Variants in USP7 observed in about 807,000 individuals in gnomAD.
The protein encoded by USP7 is ubiquitin specific peptidase 7.
Under a neutral mutation model 162.9 loss-of-function variants are expected in USP7, and 9 were observed. That is an observed-to-expected ratio of 0.06 (90% CI 0.03 to 0.10). The LOEUF (loss-of-function observed/expected upper bound fraction) is 0.10. Among genes scored for constraint, USP7 ranks in the 10% least tolerant of loss-of-function variants. USP7 has a pLI of 1.00. For missense variants in USP7, 715 were observed against 1,373.7 expected (o/e 0.52, Z 7.58); for synonymous variants, 562 against 475.9 (o/e 1.18, Z -2.35).
intron 8 of USP7, 103 bp from the exon 9 acceptor site, chr16:8,915,628 G>C: frequency 9.5e-7 from 1 of 1,057,752 alleles, no homozygotes; most frequent in East Asian, 2.7e-5. Flanking sequence ...AGAAGTTGTA[G>C]ACTATAAAAA....
At chr16:8,910,863 G>C in intron 10 of USP7, 36 bp from the exon 11 acceptor site, 1 of 1,556,328 alleles carries the variant, frequency 6.4e-7, no homozygotes, top group Admixed American at 1.7e-5. Flanking sequence ...AAGTGCTAAA[G>C]CTTCATTTAT....
At chr16:8,935,063 G>A (rs771857838) in intron 1 of USP7, among the ~76,000 whole-genome samples, 1 of 152,192 alleles carries the variant, frequency 6.6e-6, no homozygotes, top group Admixed American at 6.5e-5. Context: ...TATTGTTCAA[G>A]ACAGATGTAC....
chr16:8,911,081 G>A (rs1223180441), intron 10 of USP7, among the ~76,000 whole-genome samples: 1 of 152,226 alleles, frequency 6.6e-6, no homozygotes, highest in East Asian at 1.9e-4. Context: ...AGGTTTTACT[G>A]TTATTCGAAC....
chr16:8,916,205 C>G (rs909415344), intron 8 of USP7, among the ~76,000 whole-genome samples: 1 of 152,156 alleles, frequency 6.6e-6, no homozygotes, highest in Non-Finnish European at 1.5e-5. Context: ...GCCAACAAAG[C>G]CAGTCTTTGG....
intron 12 of USP7, among the ~76,000 whole-genome samples, chr16:8,906,956 C>T (rs1169490257): frequency 1.3e-5 from 2 of 152,242 alleles, no homozygotes; most frequent in African/African-American, 4.8e-5. Context: ...CTACAGACAT[C>T]CTGAAATTGA....
At chr16:8,911,880 G>C (rs112380399) in intron 10 of USP7, among the ~76,000 whole-genome samples, 231 of 152,342 alleles carry the variant, frequency 1.5e-3, no homozygotes, top group African/African-American at 5.2e-3. Context: ...ACAACCTTCA[G>C]AGCTCACGAC....
intron 2 of USP7, among the ~76,000 whole-genome samples, chr16:8,925,138 C>T (rs181181444): frequency 7.8e-4 from 119 of 152,274 alleles, no homozygotes; most frequent in African/African-American, 2.6e-3. Context: ...TGTCAATTCC[C>T]ACATTTTAGG....
chr16:8,897,552 G>T (rs773446120), intron 25 of USP7, among the ~76,000 whole-genome samples: 6 of 151,318 alleles, frequency 4.0e-5, no homozygotes, highest in Admixed American at 6.6e-5. Context: ...AAGGGTGAGA[G>T]ATCTAGCATC....
intron 5 of USP7, among the ~76,000 whole-genome samples, chr16:8,919,522 C>A (rs1424446603): frequency 1.3e-5 from 2 of 152,108 alleles, no homozygotes; most frequent in Non-Finnish European, 2.9e-5. Flanking sequence ...TGAAACTCAT[C>A]TTTTCTGTAG....
intron 14 of USP7, among the ~76,000 whole-genome samples, chr16:8,904,946 T>C (rs2061836875): frequency 1.3e-5 from 2 of 152,286 alleles, no homozygotes; most frequent in Non-Finnish European, 2.9e-5. Flanking sequence ...CACTCCAGCC[T>C]GGGCAAGAGC....
chr16:8,902,241 A>G, intron 17 of USP7, 54 bp from the exon 18 acceptor site: 1 of 1,593,962 alleles, frequency 6.3e-7, no homozygotes, highest in Non-Finnish European at 8.6e-7. Context: ...TAGGTGACAG[A>G]GCGAAAAACT....
At position 8,912,483 on chromosome 16, in the gene USP7, C is replaced by T. The variant is rs554281394; in HGVS notation, c.1079-1656G>A. 2.0e-5 allele frequency among the ~76,000 whole-genome samples: 3 copies of T among 149,198 alleles called. No homozygotes were observed. The South Asian group carries it at 6.3e-4, about 32-fold the overall frequency. ...AAAAAGAAAGAAAAAAGAAAATAAA[C>T]ATTACCAAGCATGCAAAGAAGCTGA... On this transcript the variant is annotated intron_variant, in intron 10 of 30. Transcript: ENST00000344836.
At chr16:8,947,264 ATTT>A (rs966503632) in intron 1 of USP7, among the ~76,000 whole-genome samples, 2 of 152,168 alleles carry the variant, frequency 1.3e-5, no homozygotes, top group Admixed American at 1.3e-4. Context: ...GAAAATAATT[ATTT>A]TTTATACAAC....
intron 2 of USP7, among the ~76,000 whole-genome samples, chr16:8,930,032 C>G: frequency 6.6e-6 from 1 of 152,198 alleles, no homozygotes; most frequent in Non-Finnish European, 1.5e-5. Context: ...GACCTGCAGG[C>G]AGGAGTAAAT....
At chr16:8,903,554 G>A in intron 15 of USP7, 152 bp from the exon 16 acceptor site, 1 of 1,035,370 alleles carries the variant, frequency 9.7e-7, no homozygotes, top group Non-Finnish European at 1.3e-6. Flanking sequence ...CGCATAAAAT[G>A]ACCAAAACCT....
At chr16:8,929,299 T>C in intron 2 of USP7, 1 of 352,326 alleles carries the variant, frequency 2.8e-6, no homozygotes, top group South Asian at 2.1e-5. Context: ...CCCACACCAT[T>C]GCCCTCGTCT....
chr16:8,916,391 A>G (rs989051695), intron 8 of USP7, 111 bp downstream of exon 8: 1 of 1,168,972 alleles, frequency 8.6e-7, no homozygotes, highest in African/African-American at 1.6e-5. Flanking sequence ...CTGATCCTAA[A>G]CAAAGATGGG....
At chr16:8,898,747 AT>A in intron 23 of USP7, 108 bp from the exon 24 acceptor site, 1 of 875,540 alleles carries the variant, frequency 1.1e-6, no homozygotes. Context: ...TGGTCTTGAA[AT>A]TTGGACCTAG....
At chr16:8,955,435 T>C (rs79203539) in intron 1 of USP7, among the ~76,000 whole-genome samples, 4,700 of 149,996 alleles carry the variant, frequency 0.031, 181 homozygotes, top group African/African-American at 0.089. Context: ...AAAATAGCAA[T>C]TGCATGGCCA....
Sources: allele counts gnomAD v4.1 joint callset (sites outside exome capture counted in the v4.1 genomes callset), GRCh38; gene constraint gnomAD v4.1.1; transcripts MANE v1.5; gene names NCBI Gene and HGNC (gene_info 2026-07-23, HGNC 2026-07-21).